NEMP2: variants seen among roughly 807,000 people sequenced by gnomAD.
The protein encoded by NEMP2 is UPF0571 transmembrane protein.
NEMP2 carries 53 observed loss-of-function variants against 54.2 expected under a neutral mutation model. The observed-to-expected ratio is 0.98, with a 90% CI of 0.78 to 1.23. The LOEUF (loss-of-function observed/expected upper bound fraction) is 1.23, where lower values mean the gene tolerates loss of function less well. Ranked by LOEUF, NEMP2 falls within the 50% of genes most tolerant of loss-of-function variation. The pLI is 0.00. For synonymous variants in NEMP2, 197 were observed against 190.3 expected, an observed-to-expected ratio of 1.04 and a Z score of -0.29; for missense variants, 455 against 511.3, an observed-to-expected ratio of 0.89 and a Z score of 1.06.
At chr2:190,463,612 G>C in the NEMP2 span, among the ~76,000 whole-genome samples, 1 of 152,192 alleles carries the variant, frequency 6.6e-6, no homozygotes, top group Admixed American at 6.5e-5. This position sits in a 1 kb window ranked among gnomAD's most constrained non-coding sequence, Gnocchi z 4.4. Flanking sequence ...CTTGAGCCCA[G>C]GAGTTCATGA....
chr2:190,631,926 C>T, the NEMP2 span, among the ~76,000 whole-genome samples: 110 of 152,188 alleles, frequency 7.2e-4, no homozygotes, highest in Non-Finnish European at 1.3e-3. Flanking sequence ...CATGGTGGCA[C>T]GCATCTGTAG....
At chr2:190,526,062 A>C (rs1288740934) in intron 1 of NEMP2, among the ~76,000 whole-genome samples, 2 of 152,202 alleles carry the variant, frequency 1.3e-5, no homozygotes, top group Non-Finnish European at 2.9e-5. Context: ...ACTAACAATA[A>C]GGCACTAACA....
the NEMP2 span, chr2:190,610,970 T>C: frequency 6.6e-6 from 1 of 152,206 alleles, no homozygotes; most frequent in Admixed American, 6.5e-5. The surrounding 1 kb of genome is among the most constrained non-coding windows in gnomAD (Gnocchi z 5.4). Context: ...TCTATTCTGA[T>C]GTCACATCTC....
At chr2:190,432,059 C>G in the NEMP2 span, among the ~76,000 whole-genome samples, 2 of 152,264 alleles carry the variant, frequency 1.3e-5, no homozygotes, top group Admixed American at 1.3e-4. Context: ...AACAGACTTT[C>G]CTCAAATGTC....
chr2:190,545,352 G>A, the NEMP2 span, among the ~76,000 whole-genome samples: 1,730 of 152,170 alleles, frequency 0.011, 38 homozygotes, highest in African/African-American at 0.038. Flanking sequence ...ACTATCTAGC[G>A]TTCTCTTTTT....
chr2:190,517,490 T>C lies in NEMP2; in HGVS notation c.612+30A>G, dbSNP rs189761832. 1,036 of 1,449,620 alleles carry C rather than the reference T, an allele frequency of 7.1e-4. 6 individuals are homozygous for C. The highest frequency in any genetic ancestry group is 4.5e-3 in the Middle Eastern group (26 of 5,812). The allele number at this position is 1,449,620 out of a possible 1,614,324, so 89.8% of individuals were successfully genotyped here. ...ATGTCTGTAAGATCATGATTTCCAT[T>C]TTTTACTCATTTTCACATAGTATGC... On this transcript the variant is annotated intron_variant, in intron 5 of 8. Coordinates refer to ENST00000409150, the MANE Select transcript of NEMP2 (RefSeq NM_001142645.2).
intron 1 of NEMP2, chr2:190,534,016 C>A (rs1335900574): frequency 2.0e-6 from 2 of 983,856 alleles, no homozygotes; most frequent in Non-Finnish European, 2.4e-6. Context: ...CATTACCTGC[C>A]GCTCACGTGG....
the NEMP2 span, among the ~76,000 whole-genome samples, chr2:190,542,541 A>G: frequency 1.3e-5 from 2 of 151,422 alleles, no homozygotes; most frequent in African/African-American, 2.4e-5. This position sits in a 1 kb window ranked among gnomAD's most constrained non-coding sequence, Gnocchi z 4.6. Context: ...GTAACTTTCT[A>G]TATCTTGTAG....
the NEMP2 span, among the ~76,000 whole-genome samples, chr2:190,601,132 G>A: frequency 6.6e-6 from 1 of 152,276 alleles, no homozygotes; most frequent in Non-Finnish European, 1.5e-5. This position sits in a 1 kb window ranked among gnomAD's most constrained non-coding sequence, Gnocchi z 5.8. Flanking sequence ...CTGGAGTCAG[G>A]TGGGCCTGTC....
At chr2:190,499,685 G>A (rs1361513568), downstream of NEMP2, 5 of 836,190 alleles carry the variant, frequency 6.0e-6, no homozygotes, top group African/African-American at 5.3e-5. This position sits in a 1 kb window ranked among gnomAD's most constrained non-coding sequence, Gnocchi z 6.0. Context: ...CTTGCCCAGC[G>A]ACTTGCCACA....
At chr2:190,612,434 G>A in the NEMP2 span, among the ~76,000 whole-genome samples, 8 of 152,114 alleles carry the variant, frequency 5.3e-5, 1 homozygote, top group African/African-American at 1.4e-4. Context: ...GATTACAGGC[G>A]TGAGCCACTG....
the NEMP2 span, chr2:190,436,399 G>A: frequency 6.2e-7 from 1 of 1,614,198 alleles, no homozygotes. This position sits in a 1 kb window ranked among gnomAD's most constrained non-coding sequence, Gnocchi z 5.3. Context: ...TTGGGGTGTA[G>A]TTGCAGACCG....
At chr2:190,431,030 TCGCGGCCGGGCAGAGGCGCTCCTCACCTC>T in the NEMP2 span, among the ~76,000 whole-genome samples, 1 of 99,402 alleles carries the variant, frequency 1.0e-5, no homozygotes, top group Non-Finnish European at 2.3e-5. The surrounding 1 kb of genome is among the most constrained non-coding windows in gnomAD (Gnocchi z 4.4). Context: ...CCAGACGGGG[TCGCGGCCGGGCAGAGGCGCTCCTCACCTC>T]CCAGACGGGG....
downstream of NEMP2, chr2:190,499,888 T>G (rs1192405222): frequency 1.3e-6 from 2 of 1,561,802 alleles, no homozygotes; most frequent in East Asian, 4.7e-5. This position sits in a 1 kb window ranked among gnomAD's most constrained non-coding sequence, Gnocchi z 6.0. Flanking sequence ...CCTCTATTAC[T>G]TGGTCCCTGA....
At chr2:190,498,550 C>T in the NEMP2 span, among the ~76,000 whole-genome samples, 1 of 152,098 alleles carries the variant, frequency 6.6e-6, no homozygotes, top group Non-Finnish European at 1.5e-5. The surrounding 1 kb of genome is among the most constrained non-coding windows in gnomAD (Gnocchi z 5.9). Context: ...AAATTTTAAC[C>T]AAATCTGGTT....
the NEMP2 span, among the ~76,000 whole-genome samples, chr2:190,549,532 T>G: frequency 8.6e-4 from 131 of 152,358 alleles, no homozygotes; most frequent in Middle Eastern, 3.4e-3. Flanking sequence ...TTTCATCCTC[T>G]GAAGCTGAAC....
At chr2:190,647,392 A>G in the NEMP2 span, among the ~76,000 whole-genome samples, 1 of 152,142 alleles carries the variant, frequency 6.6e-6, no homozygotes, top group African/African-American at 2.4e-5. Flanking sequence ...CCCTTGCTGC[A>G]ACATAAAGAT....
the NEMP2 span, among the ~76,000 whole-genome samples, chr2:190,632,860 G>T: frequency 1.3e-4 from 20 of 152,180 alleles, no homozygotes; most frequent in African/African-American, 4.3e-4. This position sits in a 1 kb window ranked among gnomAD's most constrained non-coding sequence, Gnocchi z 4.8. Context: ...ATATTACAAA[G>T]AAAATAAAAA....
the NEMP2 span, among the ~76,000 whole-genome samples, chr2:190,429,394 C>T: frequency 2.0e-5 from 3 of 151,142 alleles, no homozygotes; most frequent in Admixed American, 6.6e-5. Context: ...GGTGCAATCT[C>T]GGCTCACTGC....
Sources: gnomAD v4.1 joint callset for allele counts (sites outside exome capture counted in the v4.1 genomes callset) on GRCh38, gnomAD v4.1.1 for gene constraint, Gnocchi (gnomAD v3.1) non-coding constraint, MANE v1.5 for transcripts, NCBI Gene and HGNC (gene_info 2026-07-23, HGNC 2026-07-21) for gene names.